The following PDSS2 variants were observed in gnomAD, a reference collection of about 807,000 sequenced individuals.
PDSS2 encodes the protein decaprenyl diphosphate synthase subunit 2.
PDSS2 carries 31 observed loss-of-function variants against 44.5 expected under a neutral mutation model. That is an observed-to-expected ratio of 0.70 (90% CI 0.52 to 0.94). PDSS2 has a LOEUF of 0.94. Among genes scored for constraint, PDSS2 ranks in the 40% least tolerant of loss-of-function variants. The pLI is 0.00. For synonymous variants in PDSS2, 157 were observed against 180.3 expected (o/e 0.87, Z 1.03); for missense variants, 452 against 482.2 (o/e 0.94, Z 0.59).
intron 1 of PDSS2, among the ~76,000 whole-genome samples, chr6:107,357,674 A>T (rs1339011375): frequency 6.6e-6 from 1 of 152,184 alleles, no homozygotes; most frequent in Non-Finnish European, 1.5e-5. Flanking sequence ...AATTCAGTGC[A>T]TTCCACCACA....
At chr6:107,423,199 T>C (rs964464458) in intron 1 of PDSS2, among the ~76,000 whole-genome samples, 1 of 152,154 alleles carries the variant, frequency 6.6e-6, no homozygotes. Context: ...ATGAGTATTG[T>C]TTTAGGTATT....
intron 1 of PDSS2, among the ~76,000 whole-genome samples, chr6:107,432,414 C>T (rs557023615): frequency 2.6e-5 from 4 of 152,326 alleles, no homozygotes; most frequent in East Asian, 3.9e-4. Context: ...TTTCTCAATA[C>T]ATGCATACAA....
At chr6:107,218,026 C>A (rs1773473536) in intron 4 of PDSS2, among the ~76,000 whole-genome samples, 1 of 152,208 alleles carries the variant, frequency 6.6e-6, no homozygotes, top group Admixed American at 6.5e-5. Context: ...CTCCCCAGAA[C>A]CTTACTAGTG....
intron 7 of PDSS2, among the ~76,000 whole-genome samples, chr6:107,179,229 A>G (rs571108956): frequency 2.4e-4 from 36 of 152,220 alleles, no homozygotes; most frequent in African/African-American, 8.7e-4. Context: ...CTACACACTA[A>G]TCAATCTTCA....
At chr6:107,351,708 T>C (rs1380451761) in intron 1 of PDSS2, among the ~76,000 whole-genome samples, 1 of 152,180 alleles carries the variant, frequency 6.6e-6, no homozygotes, top group Non-Finnish European at 1.5e-5. Flanking sequence ...AGTTAAAATT[T>C]CAGTGTAATT....
intron 1 of PDSS2, among the ~76,000 whole-genome samples, chr6:107,397,285 G>A (rs1204583764): frequency 2.6e-5 from 4 of 151,850 alleles, no homozygotes; most frequent in African/African-American, 9.7e-5. Context: ...AGCACTAATA[G>A]TACAAAAGCA....
intron 2 of PDSS2, among the ~76,000 whole-genome samples, chr6:107,280,886 T>C (rs747567445): frequency 6.6e-5 from 10 of 152,184 alleles, no homozygotes; most frequent in Admixed American, 2.6e-4. Flanking sequence ...GTTAAAAATA[T>C]ACAGAAAAGT....
chr6:107,191,352 G>A (rs1772374257), intron 7 of PDSS2, among the ~76,000 whole-genome samples: 1 of 152,160 alleles, frequency 6.6e-6, no homozygotes, highest in South Asian at 2.1e-4. Context: ...CACGAGGAAT[G>A]GAAGAGAGAC....
chr6:107,444,625 G>A (rs1781610002), intron 1 of PDSS2, among the ~76,000 whole-genome samples: 2 of 152,192 alleles, frequency 1.3e-5, no homozygotes, highest in Admixed American at 6.5e-5. Context: ...CATAAGTAAT[G>A]TAGGTTTTCA....
chr6:107,377,414 AG>A (rs1254997496), intron 1 of PDSS2, among the ~76,000 whole-genome samples: 2 of 152,226 alleles, frequency 1.3e-5, no homozygotes, highest in Non-Finnish European at 2.9e-5. Context: ...GTGGAGAAAC[AG>A]GAACATTTTT....
At chr6:107,320,583 A>T (rs1394722773) in intron 2 of PDSS2, among the ~76,000 whole-genome samples, 2 of 152,236 alleles carry the variant, frequency 1.3e-5, no homozygotes, top group African/African-American at 4.8e-5. Flanking sequence ...TGTGTCAAAG[A>T]AAATATATAA....
intron 4 of PDSS2, among the ~76,000 whole-genome samples, chr6:107,242,325 G>C (rs1487385795): frequency 6.6e-6 from 1 of 151,948 alleles, no homozygotes; most frequent in African/African-American, 2.4e-5. Context: ...GTGCAGTGGC[G>C]CGATCTTGGC....
chr6:107,455,160 A>AG (rs1472263558), intron 1 of PDSS2, among the ~76,000 whole-genome samples: 2 of 150,774 alleles, frequency 1.3e-5, no homozygotes, highest in East Asian at 3.9e-4. Context: ...TAGTACTACA[A>AG]GGCAGGTTAG....
intron 4 of PDSS2, among the ~76,000 whole-genome samples, chr6:107,228,266 ACAGTTTCT>A (rs1773903608): frequency 6.6e-6 from 1 of 152,194 alleles, no homozygotes; most frequent in African/African-American, 2.4e-5. Context: ...TTAGTCACCA[ACAGTTTCT>A]CTGCCTTCTC....
At chr6:107,404,022 CA>C (rs1362082803) in intron 1 of PDSS2, among the ~76,000 whole-genome samples, 5 of 152,166 alleles carry the variant, frequency 3.3e-5, no homozygotes, top group African/African-American at 4.8e-5. Flanking sequence ...GCAATTTTTT[CA>C]AACTTTTATG....
intron 7 of PDSS2, among the ~76,000 whole-genome samples, chr6:107,169,125 A>C (rs139430804): frequency 9.6e-4 from 145 of 151,794 alleles, no homozygotes; most frequent in African/African-American, 3.4e-3. Context: ...AATCAGACGT[A>C]GATTTGGTCT....
rs1776300863 is a variant in PDSS2, at chr6:107,290,322, T to C, written c.432-16095A>G. ...ACTGCAGTATTGCTGTGTGACTAAA[T>C]ATGGAGGATAAATGAAAGATACTTT... On this transcript the variant is annotated intron_variant, in intron 2 of 7. Coordinates refer to ENST00000369037, the MANE Select transcript of PDSS2 (RefSeq NM_020381.4). Among the ~76,000 whole-genome samples, 4 of 152,220 alleles carry C rather than the reference T, an allele frequency of 2.6e-5. No individual in the cohort carries two copies. The South Asian group carries it at 8.3e-4, about 32-fold the overall frequency.
rs1170961148 is a variant in PDSS2, at chr6:107,370,694, G to A, written c.297-36362C>T. Among the ~76,000 whole-genome samples the A allele has an allele frequency of 2.0e-5, 3 of 152,004 alleles. No homozygotes were observed. The South Asian group carries it at 6.2e-4, about 32-fold the overall frequency. ...AATTTTATTCTTTTCCCATTTAGCA[G>A]ACATCAATTCTAGACCTACACATAA... is the stretch of plus-strand genomic sequence containing the variant. On this transcript the variant is annotated intron_variant, in intron 1 of 7. Transcript: ENST00000369037.
In PDSS2 at chr6:107,395,845, CTGAG is replaced by C. The variant is rs1161286108; in HGVS notation, c.297-61517_297-61514del. Among the ~76,000 whole-genome samples, 5 of 152,188 alleles carry C rather than the reference CTGAG, an allele frequency of 3.3e-5. No individual in the cohort carries two copies. The South Asian group carries it at 1.0e-3, about 32-fold the overall frequency. ...ATGCCAAGTAGTTGATTTTATGTTGCTGAGTGTTAGATTCTGCTATATTTGTTTA... is the reference window on the plus strand; with the variant it reads ...ATGCCAAGTAGTTGATTTTATGTTGCTGTTAGATTCTGCTATATTTGTTTA... On this transcript the variant is annotated intron_variant, in intron 1 of 7. Transcript: ENST00000369037.
Sources: allele counts gnomAD v4.1 joint callset (sites outside exome capture counted in the v4.1 genomes callset), GRCh38; gene constraint gnomAD v4.1.1; transcripts MANE v1.5; gene names NCBI Gene and HGNC (gene_info 2026-07-23, HGNC 2026-07-21).